Variants in RBM20 observed in about 807,000 individuals in gnomAD.
The protein encoded by RBM20 is RNA binding motif protein 20, also known as RNA-binding protein 20.
A neutral mutation model predicts 110.1 loss-of-function variants in RBM20; 51 were observed. The observed-to-expected ratio is 0.46, with a 90% CI of 0.37 to 0.59. RBM20 has a LOEUF of 0.59. Ranked by LOEUF, RBM20 falls within the 20% of genes least tolerant of loss-of-function variation. The pLI, the probability that RBM20 is intolerant of heterozygous loss-of-function variation, is 0.00. For synonymous variants in RBM20, 589 were observed against 618.2 expected, an observed-to-expected ratio of 0.95 and a Z score of 0.70; for missense variants, 1,512 against 1,574.9, an observed-to-expected ratio of 0.96 and a Z score of 0.68.
chr10:110,671,674 C>T (rs888815992), intron 1 of RBM20, among the ~76,000 whole-genome samples: 1 of 152,000 alleles, frequency 6.6e-6, no homozygotes, highest in African/African-American at 2.4e-5. Flanking sequence ...AAACAAACAC[C>T]TCTCCAGCTC....
chr10:110,780,722 G>T, intron 1 of RBM20, 79 bp from the exon 2 acceptor site: 2 of 1,427,980 alleles, frequency 1.4e-6, no homozygotes, highest in South Asian at 1.5e-5. Context: ...TGGGAGGGGG[G>T]ACCACAGATA....
Position 110,644,563 on chromosome 10 carries a change from G to A in RBM20, c.109G>A (p.Gly37Ser), listed in dbSNP as rs1327144634. The A allele has an allele frequency of 1.3e-6, 2 of 1,525,490 alleles. No individual in the cohort carries two copies. Among genetic ancestry groups the A allele is most frequent in the South Asian group, 1.2e-5 (1 of 82,278 alleles). The allele number at this position is 1,525,490 out of a possible 1,614,324, so 94.5% of individuals were successfully genotyped here. The change falls in exon 1 of 14, where the codon GGC (glycine) becomes AGC (serine). Residue 37 changes from glycine to serine, a missense_variant. By Grantham distance (56) the Gly-to-Ser change is moderately conservative. Coordinates refer to ENST00000369519, the MANE Select transcript of RBM20 (RefSeq NM_001134363.3). This position sits in a 1 kb window ranked among gnomAD's most constrained non-coding sequence, Gnocchi z 4.3. ...TGCCCGGGCGTCCCCGGCACCCTCC[G>A]GCCCGCGAGGGATGCAGCAGCCGCC... ...PGARASPAPS[G>S]PRGMQQPPPP...
At chr10:110,665,210 T>C (rs996987315) in intron 1 of RBM20, among the ~76,000 whole-genome samples, 5 of 152,144 alleles carry the variant, frequency 3.3e-5, no homozygotes, top group Admixed American at 1.3e-4. Flanking sequence ...GTCTAATAAA[T>C]ACAGAAGGAA....
intron 1 of RBM20, among the ~76,000 whole-genome samples, chr10:110,647,421 G>T (rs1422037839): frequency 6.6e-6 from 1 of 152,100 alleles, no homozygotes; most frequent in Non-Finnish European, 1.5e-5. Context: ...CTTGTTTACT[G>T]TAAAGATTAT....
chr10:110,775,035 G>A lies in RBM20; in HGVS notation c.192-5766G>A, dbSNP rs374888895. ...CTATAATGTAGTTCTTGTTAGTTAA[G>A]TTGACATTAATCCTCTCTTTGCTTT... On this transcript the variant is annotated intron_variant, in intron 1 of 13. Transcript: ENST00000369519. 4.0e-3 allele frequency among the ~76,000 whole-genome samples: 611 copies of A among 152,286 alleles called. 5 individuals carry two copies. Among genetic ancestry groups the A allele is most frequent in the African/African-American group, 0.014 (581 of 41,550 alleles).
At chr10:110,702,135 C>G (rs1378939812) in intron 1 of RBM20, among the ~76,000 whole-genome samples, 2 of 152,218 alleles carry the variant, frequency 1.3e-5, no homozygotes, top group African/African-American at 4.8e-5. Flanking sequence ...TGTTTTCCAG[C>G]CTCTGCTGGG....
intron 13 of RBM20, chr10:110,835,630 C>T (rs549485155): frequency 2.8e-4 from 92 of 330,998 alleles, no homozygotes; most frequent in Admixed American, 2.7e-3. Context: ...ACACCACGCT[C>T]GGCCTGTACT....
At chr10:110,775,273 C>T (rs1169717677) in intron 1 of RBM20, among the ~76,000 whole-genome samples, 3 of 152,192 alleles carry the variant, frequency 2.0e-5, no homozygotes, top group Non-Finnish European at 4.4e-5. Context: ...GAAGAAATGG[C>T]GCATTCACCA....
At chr10:110,687,866 A>G (rs189020153) in intron 1 of RBM20, among the ~76,000 whole-genome samples, 2 of 152,314 alleles carry the variant, frequency 1.3e-5, no homozygotes, top group East Asian at 3.9e-4. Flanking sequence ...AAGGTACACA[A>G]ATTTTAAGTG....
At chr10:110,815,340 A>G (rs1047638487) in intron 9 of RBM20, among the ~76,000 whole-genome samples, 1 of 152,218 alleles carries the variant, frequency 6.6e-6, no homozygotes, top group Non-Finnish European at 1.5e-5. Flanking sequence ...TGCCCATTAC[A>G]AAGTCTGCCA....
At chr10:110,727,044 C>T (rs1453039673) in intron 1 of RBM20, among the ~76,000 whole-genome samples, 3 of 149,406 alleles carry the variant, frequency 2.0e-5, no homozygotes, top group South Asian at 2.1e-4. Context: ...GACAGGGTTT[C>T]GTCATGTTGG....
chr10:110,646,043 A>G (rs1861862493), intron 1 of RBM20, among the ~76,000 whole-genome samples: 2 of 152,218 alleles, frequency 1.3e-5, no homozygotes. Flanking sequence ...TTAAAATTTA[A>G]AGTTTACTTA....
chr10:110,725,174 G>T (rs1843547998), intron 1 of RBM20, among the ~76,000 whole-genome samples: 1 of 152,228 alleles, frequency 6.6e-6, no homozygotes, highest in African/African-American at 2.4e-5. Context: ...ATGTGCCAGA[G>T]TTGAGTGTAC....
chr10:110,796,443 G>A (rs1467080874), intron 5 of RBM20, among the ~76,000 whole-genome samples: 1 of 152,140 alleles, frequency 6.6e-6, no homozygotes, highest in Non-Finnish European at 1.5e-5. Flanking sequence ...TGGCATTATA[G>A]TACACATACC....
At chr10:110,828,871 T>A (rs1034895534) in intron 12 of RBM20, among the ~76,000 whole-genome samples, 3 of 152,206 alleles carry the variant, frequency 2.0e-5, no homozygotes, top group Non-Finnish European at 2.9e-5. Context: ...GTAGAAGTCT[T>A]TGTTCAAGTG....
intron 1 of RBM20, among the ~76,000 whole-genome samples, chr10:110,774,102 C>T (rs1190440304): frequency 6.6e-6 from 1 of 152,202 alleles, no homozygotes; most frequent in Non-Finnish European, 1.5e-5. Flanking sequence ...TGGATGACCT[C>T]ACACGGTTCA....
intron 1 of RBM20, among the ~76,000 whole-genome samples, chr10:110,681,071 C>T (rs1330907465): frequency 1.3e-5 from 2 of 152,208 alleles, no homozygotes; most frequent in Non-Finnish European, 2.9e-5. Flanking sequence ...AACAGGGGCA[C>T]CTTCTTCTCG....
chr10:110,802,822 C>G (rs1246797990), intron 7 of RBM20, among the ~76,000 whole-genome samples: 1 of 152,186 alleles, frequency 6.6e-6, no homozygotes, highest in Non-Finnish European at 1.5e-5. Flanking sequence ...AACAAAGAAC[C>G]ACTGACAACC....
At chr10:110,720,286 G>A (rs935772925) in intron 1 of RBM20, among the ~76,000 whole-genome samples, 3 of 152,172 alleles carry the variant, frequency 2.0e-5, no homozygotes, top group African/African-American at 7.2e-5. Flanking sequence ...ATGCCAAGGA[G>A]GTTGGCACAA....
Sources: gnomAD v4.1 joint callset for allele counts (sites outside exome capture counted in the v4.1 genomes callset) on GRCh38, gnomAD v4.1.1 for gene constraint, Gnocchi (gnomAD v3.1) non-coding constraint, MANE v1.5 for transcripts, NCBI Gene and HGNC (gene_info 2026-07-23, HGNC 2026-07-21) for gene names.